Variants in TRAF3 observed in about 807,000 individuals in gnomAD.
TRAF3 encodes the protein TNF receptor-associated factor 3.
TRAF3 carries 13 observed loss-of-function variants against 62.3 expected under a neutral mutation model. The observed-to-expected ratio is 0.21, with a 90% CI of 0.14 to 0.33. TRAF3 has a LOEUF of 0.33. Among genes scored for constraint, TRAF3 ranks in the 10% least tolerant of loss-of-function variants. The pLI is 1.00. For synonymous variants in TRAF3, 269 were observed against 283.4 expected (o/e 0.95, Z 0.51); for missense variants, 440 against 741.8 (o/e 0.59, Z 4.73).
intron 1 of TRAF3, 127 bp from the exon 2 acceptor site, chr14:102,830,207 A>G (rs1900590389): frequency 6.6e-6 from 1 of 152,198 alleles, no homozygotes. Flanking sequence ...AAGCATTGAG[A>G]TTATAGAATT....
At chr14:102,859,448 T>A (rs1216786462) in intron 2 of TRAF3, among the ~76,000 whole-genome samples, 1 of 152,252 alleles carries the variant, frequency 6.6e-6, no homozygotes, top group Non-Finnish European at 1.5e-5. Flanking sequence ...CTAGGAGGCA[T>A]GGCTAACTCC....
At position 102,878,538 on chromosome 14, in the gene TRAF3, G is replaced by T. The variant is rs74082944; in HGVS notation, c.570+2013G>T. On this transcript the variant is annotated intron_variant, in intron 6 of 11. Coordinates refer to ENST00000392745, the MANE Select transcript of TRAF3 (RefSeq NM_145725.3). Reference sequence around the variant, plus strand: ...CAAACACCTATTGGGTACCTACTGTGCGCCGGGCAGTATTCCAGGAGCTGG... The same window carrying T: ...CAAACACCTATTGGGTACCTACTGTTCGCCGGGCAGTATTCCAGGAGCTGG... Among the ~76,000 whole-genome samples the T allele has an allele frequency of 8.7e-3, 1,329 of 152,276 alleles. 22 individuals are homozygous for T. Among genetic ancestry groups the T allele is most frequent in the African/African-American group, 0.03 (1,247 of 41,534 alleles).
intron 1 of TRAF3, among the ~76,000 whole-genome samples, chr14:102,814,761 G>T (rs575786616): frequency 6.6e-6 from 1 of 151,896 alleles, no homozygotes; most frequent in Admixed American, 6.6e-5. Context: ...GAGCTCAAGC[G>T]GTCCACCCAC....
chr14:102,887,599 CTTT>C (rs931159273), intron 7 of TRAF3, among the ~76,000 whole-genome samples: 1 of 146,524 alleles, frequency 6.8e-6, no homozygotes, highest in African/African-American at 2.5e-5. Flanking sequence ...GAAATAATTT[CTTT>C]TTTTTTTTTT....
chr14:102,795,048 C>A (rs936019611), intron 1 of TRAF3, among the ~76,000 whole-genome samples: 1 of 152,098 alleles, frequency 6.6e-6, no homozygotes, highest in Non-Finnish European at 1.5e-5. Context: ...TATAAGTAAG[C>A]CTATATATCC....
chr14:102,788,144 C>T (rs1035760184), intron 1 of TRAF3, among the ~76,000 whole-genome samples: 12 of 152,090 alleles, frequency 7.9e-5, no homozygotes. Flanking sequence ...TGTGAGCCCC[C>T]ACACCCGGCC....
intron 1 of TRAF3, among the ~76,000 whole-genome samples, chr14:102,793,849 G>A (rs138563138): frequency 5.6e-4 from 86 of 152,318 alleles, no homozygotes; most frequent in African/African-American, 1.8e-3. Flanking sequence ...ATTTAAAACA[G>A]TAATCTACTA....
chr14:102,875,767 G>T, intron 5 of TRAF3, 39 bp downstream of exon 5: 1 of 1,543,714 alleles, frequency 6.5e-7, no homozygotes, highest in East Asian at 2.2e-5. Flanking sequence ...TTACATGAAG[G>T]AATTCGAGTC....
chr14:102,903,334 C>T lies in TRAF3; in HGVS notation c.1040C>T (p.Ala347Val). Reference protein sequence around the residue: ...IRPFRQNWEEADSMKSSVESL... With the variant: ...IRPFRQNWEEVDSMKSSVESL... ...CCCTTCCGGCAGAACTGGGAGGAAG[C>T]AGACAGCATGAAGAGCAGCGTGGAG... The change falls in exon 11 of 12, where the codon GCA becomes GTA. Residue 347 changes from alanine (A) to valine (V), a missense_variant. Coordinates refer to ENST00000392745, the MANE Select transcript of TRAF3 (RefSeq NM_145725.3). The surrounding 1 kb of genome is among the most constrained non-coding windows in gnomAD (Gnocchi z 6.4). 6.2e-7 allele frequency: 1 copy of T among 1,614,190 alleles called. No homozygotes were observed. Among genetic ancestry groups the T allele is most frequent in the Non-Finnish European group, 8.5e-7 (1 of 1,180,038 alleles).
chr14:102,810,927 C>T (rs1566749136), intron 1 of TRAF3, among the ~76,000 whole-genome samples: 3 of 152,164 alleles, frequency 2.0e-5, no homozygotes, highest in African/African-American at 2.4e-5. Context: ...AGGGCAGAAC[C>T]TTTACAGTCA....
chr14:102,892,260 G>T (rs964086232), intron 9 of TRAF3, among the ~76,000 whole-genome samples: 1 of 152,298 alleles, frequency 6.6e-6, no homozygotes, highest in East Asian at 1.9e-4. Flanking sequence ...GTTTCTCCAT[G>T]TTGGTCAGGC....
At chr14:102,878,851 T>G (rs1595388609) in intron 6 of TRAF3, among the ~76,000 whole-genome samples, 3 of 148,446 alleles carry the variant, frequency 2.0e-5, no homozygotes, top group African/African-American at 5.0e-5. Context: ...ACTGGGAGGG[T>G]GAGAGGGGCC....
chr14:102,793,997 C>A (rs1897939882), intron 1 of TRAF3, among the ~76,000 whole-genome samples: 1 of 152,160 alleles, frequency 6.6e-6, no homozygotes, highest in South Asian at 2.1e-4. Context: ...GAGGGCCGTA[C>A]ACACATGCTT....
At chr14:102,821,928 G>A (rs987851973) in intron 1 of TRAF3, among the ~76,000 whole-genome samples, 3 of 152,152 alleles carry the variant, frequency 2.0e-5, no homozygotes, top group Non-Finnish European at 4.4e-5. Flanking sequence ...TGTAATCCTA[G>A]CTATTCGAGA....
chr14:102,851,764 C>T (rs1450596714), intron 2 of TRAF3, among the ~76,000 whole-genome samples: 2 of 151,688 alleles, frequency 1.3e-5, no homozygotes, highest in African/African-American at 4.8e-5. Flanking sequence ...AAATTATCAT[C>T]ACAGGCCTCG....
At chr14:102,828,950 C>T (rs1479938102) in intron 1 of TRAF3, among the ~76,000 whole-genome samples, 1 of 152,220 alleles carries the variant, frequency 6.6e-6, no homozygotes, top group Non-Finnish European at 1.5e-5. Context: ...ATCTCAGCCA[C>T]TGGCTGTAGA....
chr14:102,785,926 AG>A (rs1718146101), intron 1 of TRAF3, among the ~76,000 whole-genome samples: 2 of 152,112 alleles, frequency 1.3e-5, no homozygotes, highest in Non-Finnish European at 1.5e-5. Context: ...TGTTGGGTGG[AG>A]GTGGTGGCGT....
chr14:102,884,866 G>T (rs1158835669), intron 6 of TRAF3, among the ~76,000 whole-genome samples: 3 of 151,850 alleles, frequency 2.0e-5, no homozygotes, highest in Non-Finnish European at 2.9e-5. Flanking sequence ...CATTACTAAA[G>T]AATTGCAGGT....
Position 102,897,247 on chromosome 14 carries a change from A to G in TRAF3, c.820-14A>G. The G allele has an allele frequency of 6.2e-7, 1 of 1,608,032 alleles. No individual in the cohort carries two copies. The highest frequency in any genetic ancestry group is 8.5e-7 in the Non-Finnish European group (1 of 1,176,786). On this transcript the variant is annotated splice_polypyrimidine_tract_variant and intron_variant, in intron 9 of 11. Transcript: ENST00000392745. ...CCACTTTTGGTTACATTAATTAAAG[A>G]ATTTCTTTTTTAGGTTTCCTTGTTG...
Sources: gnomAD v4.1 joint callset for allele counts (sites outside exome capture counted in the v4.1 genomes callset) on GRCh38, gnomAD v4.1.1 for gene constraint, Gnocchi (gnomAD v3.1) non-coding constraint, MANE v1.5 for transcripts, NCBI Gene and HGNC (gene_info 2026-07-23, HGNC 2026-07-21) for gene names.